IFT140: variants seen among roughly 807,000 people sequenced by gnomAD.
The protein encoded by IFT140 is intraflagellar transport protein 140 homolog.
In IFT140, 133 loss-of-function variants were observed where a neutral mutation model predicts 164.6. That is an observed-to-expected ratio of 0.81 (90% CI 0.70 to 0.93). The LOEUF (loss-of-function observed/expected upper bound fraction) is 0.93. Ranked by LOEUF, IFT140 falls within the 40% of genes least tolerant of loss-of-function variation. The pLI is 0.00. For missense variants in IFT140, 2,045 were observed against 1,972.3 expected, an observed-to-expected ratio of 1.04 and a Z score of -0.70; for synonymous variants, 860 against 817.3, an observed-to-expected ratio of 1.05 and a Z score of -0.89.
At position 1,595,778 on chromosome 16, in the gene IFT140, C is replaced by T. The variant is rs542918616; in HGVS notation, c.370-3190G>A. 6.6e-4 allele frequency among the ~76,000 whole-genome samples: 101 copies of T among 152,248 alleles called. 1 individual carries two copies. Among genetic ancestry groups the T allele is most frequent in the African/African-American group, 2.3e-3 (96 of 41,536 alleles). ...AAATAAAAACACTAGGCAGCCCAGG[C>T]ACAATGGCTCATGCCTGTAATCCCA... On this transcript the variant is annotated intron_variant, in intron 4 of 30. Coordinates refer to ENST00000426508, the MANE Select transcript of IFT140 (RefSeq NM_014714.4).
At chr16:1,526,538 C>T in intron 20 of IFT140, 81 bp downstream of exon 20, 7 of 1,339,022 alleles carry the variant, frequency 5.2e-6, no homozygotes, top group South Asian at 3.0e-5. Context: ...GGCCGGTGGG[C>T]GTGCCTCCTC....
At chr16:1,611,477 C>A (rs1357402887) in intron 1 of IFT140, among the ~76,000 whole-genome samples, 1 of 139,012 alleles carries the variant, frequency 7.2e-6, no homozygotes, top group Non-Finnish European at 1.5e-5. Context: ...CCAGCCTGGG[C>A]GACAGAGCGA....
At chr16:1,517,817 C>G (rs1455187629) in intron 30 of IFT140, among the ~76,000 whole-genome samples, 1 of 152,100 alleles carries the variant, frequency 6.6e-6, no homozygotes, top group East Asian at 1.9e-4. Context: ...CAGCGTGAGA[C>G]TGTTACTTTT....
At chr16:1,569,101 T>C (rs1177202320) in intron 14 of IFT140, among the ~76,000 whole-genome samples, 1 of 148,768 alleles carries the variant, frequency 6.7e-6, no homozygotes, top group Non-Finnish European at 1.5e-5. Flanking sequence ...GCCTCCCGGG[T>C]TCACGCCATT....
chr16:1,520,262 T>G lies in IFT140; in HGVS notation c.3742A>C (p.Ile1248Leu). ...ASVSRQKEIYIMAANYLQSLD... is the reference protein window; with the variant it reads ...ASVSRQKEIYLMAANYLQSLD... ...GACTGCAGGTAGTTAGCAGCCATGATGTAGATTTCCTTCTGCCTGGACACG... is the reference window on the plus strand; with the variant it reads ...GACTGCAGGTAGTTAGCAGCCATGAGGTAGATTTCCTTCTGCCTGGACACG... The change falls in exon 28 of 31, where the codon ATC becomes CTC. Residue 1248 changes from isoleucine (I) to leucine (L), a missense_variant. By Grantham distance (5) the Ile-to-Leu change is conservative (BLOSUM62 2). Transcript: ENST00000426508. 6.2e-7 allele frequency: 1 copy of G among 1,614,210 alleles called. No individual in the cohort carries two copies. Among genetic ancestry groups the G allele is most frequent in the Non-Finnish European group, 8.5e-7 (1 of 1,180,020 alleles).
At chr16:1,557,607 T>G in intron 19 of IFT140, 11 of 257,028 alleles carry the variant, frequency 4.3e-5, no homozygotes, top group Admixed American at 1.0e-4. Flanking sequence ...ACCTGGCTGT[T>G]TTTAGTGTTT....
intron 19 of IFT140, among the ~76,000 whole-genome samples, chr16:1,529,697 C>T (rs1459620011): frequency 6.6e-6 from 1 of 152,194 alleles, no homozygotes; most frequent in Admixed American, 6.5e-5. Context: ...AAAACCAAGG[C>T]TTGTCTTTCT....
intron 26 of IFT140, among the ~76,000 whole-genome samples, chr16:1,522,637 G>A (rs953092918): frequency 6.6e-6 from 1 of 152,144 alleles, no homozygotes; most frequent in African/African-American, 2.4e-5. Context: ...TCAAGAGATC[G>A]AGACCATCCT....
intron 4 of IFT140, among the ~76,000 whole-genome samples, chr16:1,597,545 G>A (rs188420534): frequency 3.3e-5 from 5 of 152,228 alleles, no homozygotes; most frequent in Non-Finnish European, 7.3e-5. Flanking sequence ...TGGAAGAGCA[G>A]GGAAGCGCCT....
intron 15 of IFT140, among the ~76,000 whole-genome samples, chr16:1,567,668 G>A (rs1460679556): frequency 1.3e-5 from 2 of 152,222 alleles, no homozygotes; most frequent in Non-Finnish European, 2.9e-5. Flanking sequence ...CCTTGAACAA[G>A]CGAATGAACA....
chr16:1,555,775 A>G (rs2033039531), intron 19 of IFT140, among the ~76,000 whole-genome samples: 1 of 152,144 alleles, frequency 6.6e-6, no homozygotes, highest in African/African-American at 2.4e-5. Flanking sequence ...ATCAACAACT[A>G]GTAGAATAAA....
intron 19 of IFT140, among the ~76,000 whole-genome samples, chr16:1,544,870 G>C (rs962895448): frequency 1.8e-4 from 28 of 151,750 alleles, no homozygotes; most frequent in Non-Finnish European, 3.4e-4. Context: ...GGATGGTCTC[G>C]ATCTCCTGAC....
intron 30 of IFT140, among the ~76,000 whole-genome samples, chr16:1,513,463 T>C (rs990718376): frequency 6.6e-6 from 1 of 151,768 alleles, no homozygotes; most frequent in Admixed American, 6.6e-5. Flanking sequence ...ATCATGCCAC[T>C]GCACTCCAGC....
chr16:1,524,303 A>G (rs1436400156), intron 24 of IFT140: 2 of 612,420 alleles, frequency 3.3e-6, no homozygotes, highest in African/African-American at 3.8e-5. Context: ...CAGCCTCACC[A>G]CCCACTCAGG....
Position 1,607,133 on chromosome 16 carries a change from A to C in IFT140, c.134T>G (p.Ile45Ser). ...CTGAGCACTCACTTGCTCCAGGTAA[A>C]TATCCACGCTGCCTGTTGAGGTTGT... The part of the protein sequence containing the change: ...ISTTSTGSVD[I>S]YLEQGECVPD... Residue 45 changes from isoleucine to serine, a missense_variant, in exon 3 of 31, where the codon ATT (isoleucine) becomes AGT (serine). Coordinates refer to ENST00000426508, the MANE Select transcript of IFT140 (RefSeq NM_014714.4). 1 of 1,614,150 alleles carries C rather than the reference A, an allele frequency of 6.2e-7. No homozygotes were observed. Among genetic ancestry groups the C allele is most frequent in the Non-Finnish European group, 8.5e-7 (1 of 1,179,996 alleles).
rs148584009 is a variant in IFT140, at chr16:1,603,259, C to T, written c.148-668G>A. Among the ~76,000 whole-genome samples, 87 of 152,212 alleles carry T rather than the reference C, an allele frequency of 5.7e-4. No individual in the cohort carries two copies. In the East Asian group the frequency reaches 0.016, roughly 27 times the overall value. ...AAACCTTATCTACAAAAACCACCAG[C>T]GAGCCAGCAGGTGAGGTTTGTGGCC... On this transcript the variant is annotated intron_variant, in intron 3 of 30. Transcript: ENST00000426508.
chr16:1,578,652 TG>T (rs2034396874), intron 13 of IFT140, among the ~76,000 whole-genome samples: 2 of 149,838 alleles, frequency 1.3e-5, no homozygotes, highest in South Asian at 4.2e-4. Context: ...GAGGCAAAGG[TG>T]GGTGGATCAC....
intron 4 of IFT140, among the ~76,000 whole-genome samples, chr16:1,596,813 C>G (rs2035488019): frequency 6.6e-6 from 1 of 152,152 alleles, no homozygotes; most frequent in Non-Finnish European, 1.5e-5. Context: ...CATTGAGCTG[C>G]CCCAGGGTCC....
At chr16:1,557,853 G>T in intron 19 of IFT140, 82 bp downstream of exon 19, 1 of 1,378,012 alleles carries the variant, frequency 7.3e-7, no homozygotes, top group Non-Finnish European at 1.0e-6. Context: ...TTCAACAGGC[G>T]AACCAAGAAG....
Sources: allele counts gnomAD v4.1 joint callset (sites outside exome capture counted in the v4.1 genomes callset), GRCh38; gene constraint gnomAD v4.1.1; transcripts MANE v1.5; gene names NCBI Gene and HGNC (gene_info 2026-07-23, HGNC 2026-07-21).